AEBP2: variants seen among roughly 807,000 people sequenced by gnomAD.
AEBP2 encodes AE binding protein 2.
Under a neutral mutation model 50.8 loss-of-function variants are expected in AEBP2, and 10 were observed. The ratio of observed to expected loss-of-function variants is 0.20; its 90% CI spans 0.12 to 0.33. The LOEUF is 0.33. Ranked by LOEUF, AEBP2 falls within the 10% of genes least tolerant of loss-of-function variation. AEBP2 has a pLI of 1.00. For synonymous variants in AEBP2, 296 were observed against 261.3 expected (o/e 1.13, Z -1.28); for missense variants, 570 against 688.0 (o/e 0.83, Z 1.92).
At chr12:19,410,111 C>T (rs1031820451) in intron 1 of AEBP2, among the ~76,000 whole-genome samples, 7 of 151,868 alleles carry the variant, frequency 4.6e-5, no homozygotes, top group African/African-American at 1.7e-4. Flanking sequence ...GAAATTAGAC[C>T]CTCTCTCACT....
At chr12:19,455,909 A>T (rs1357858874) in intron 1 of AEBP2, among the ~76,000 whole-genome samples, 4 of 151,636 alleles carry the variant, frequency 2.6e-5, no homozygotes, top group African/African-American at 9.7e-5. Flanking sequence ...TGGTCTCATC[A>T]GTTTCAGTTG....
intron 1 of AEBP2, among the ~76,000 whole-genome samples, chr12:19,429,461 A>G (rs1047616218): frequency 6.6e-6 from 1 of 152,198 alleles, no homozygotes; most frequent in Non-Finnish European, 1.5e-5. Flanking sequence ...TCTTTATAGC[A>G]GCATGATTTA....
At chr12:19,451,249 G>A (rs1948162149) in intron 1 of AEBP2, among the ~76,000 whole-genome samples, 1 of 152,114 alleles carries the variant, frequency 6.6e-6, no homozygotes. Context: ...GCTCTACTTG[G>A]TATCAGCTCG....
intron 2 of AEBP2, among the ~76,000 whole-genome samples, chr12:19,463,455 AATTT>A (rs1422441948): frequency 6.6e-6 from 1 of 152,170 alleles, no homozygotes; most frequent in Non-Finnish European, 1.5e-5. Flanking sequence ...AAGGGCAGGT[AATTT>A]ATTAATATTA....
chr12:19,433,147 C>T (rs751914829), intron 1 of AEBP2, among the ~76,000 whole-genome samples: 3 of 152,122 alleles, frequency 2.0e-5, no homozygotes, highest in African/African-American at 7.2e-5. Context: ...GCACTTTGGG[C>T]GGCCAAGGCA....
At chr12:19,477,217 G>T (rs1478948175) in intron 3 of AEBP2, among the ~76,000 whole-genome samples, 1 of 151,982 alleles carries the variant, frequency 6.6e-6, no homozygotes, top group Non-Finnish European at 1.5e-5. Context: ...GAGTCTTTAG[G>T]GTTTCCTAGG....
intron 1 of AEBP2, among the ~76,000 whole-genome samples, chr12:19,457,965 C>T (rs1207112788): frequency 6.6e-6 from 1 of 152,130 alleles, no homozygotes; most frequent in African/African-American, 2.4e-5. Flanking sequence ...GGTATTCTTC[C>T]AAATATCAGG....
chr12:19,427,193 A>G (rs1214651789), intron 1 of AEBP2, among the ~76,000 whole-genome samples: 2 of 152,036 alleles, frequency 1.3e-5, no homozygotes, highest in African/African-American at 2.4e-5. Context: ...CCTTGCCAAC[A>G]TGGTGAAACC....
At chr12:19,477,479 G>T (rs748589457) in intron 3 of AEBP2, among the ~76,000 whole-genome samples, 27 of 152,092 alleles carry the variant, frequency 1.8e-4, no homozygotes, top group Non-Finnish European at 3.7e-4. Context: ...TGCCAGTTTT[G>T]TTGAGGGTTT....
Position 19,509,977 on chromosome 12 carries a change from C to T in AEBP2, c.1300-2421C>T, listed in dbSNP as rs73339371. The stretch of plus-strand genomic sequence containing the variant: ...CCTCCTGAGTAGCTGGGATTACTGA[C>T]GTGCACCATCACACCTGGCTAATTT... On this transcript the variant is annotated intron_variant, in intron 5 of 7. Coordinates refer to ENST00000266508, the MANE Select transcript of AEBP2 (RefSeq NM_153207.5). 3.1e-3 allele frequency among the ~76,000 whole-genome samples: 468 copies of T among 151,832 alleles called. 3 individuals are homozygous for T. The highest frequency in any genetic ancestry group is 0.011 in the African/African-American group (448 of 41,374).
chr12:19,420,261 T>G (rs2095744929), intron 1 of AEBP2, among the ~76,000 whole-genome samples: 1 of 150,550 alleles, frequency 6.6e-6, no homozygotes, highest in Admixed American at 6.7e-5. Context: ...ACTCCTGACC[T>G]CAGGTGATCC....
chr12:19,480,149 C>T (rs1319395508), intron 3 of AEBP2, among the ~76,000 whole-genome samples: 1 of 152,102 alleles, frequency 6.6e-6, no homozygotes, highest in Non-Finnish European at 1.5e-5. Flanking sequence ...GTTGCCCAGG[C>T]TGGAGTGCAG....
At chr12:19,473,924 T>C (rs190570523) in intron 3 of AEBP2, among the ~76,000 whole-genome samples, 82 of 152,246 alleles carry the variant, frequency 5.4e-4, no homozygotes, top group African/African-American at 1.9e-3. Context: ...AAATAGCTAG[T>C]GGGTAGACTA....
chr12:19,457,630 G>C, intron 1 of AEBP2: 4 of 1,434,222 alleles, frequency 2.8e-6, no homozygotes, highest in Non-Finnish European at 3.7e-6. Flanking sequence ...ATGTGGATAT[G>C]AGTCTTTTCC....
chr12:19,416,484 C>A (rs1483141920), intron 1 of AEBP2, among the ~76,000 whole-genome samples: 1 of 152,044 alleles, frequency 6.6e-6, no homozygotes, highest in East Asian at 1.9e-4. Context: ...TGGCTCACTG[C>A]AACCTCCGTC....
intron 3 of AEBP2, among the ~76,000 whole-genome samples, chr12:19,480,490 G>T (rs1206597429): frequency 6.6e-6 from 1 of 152,192 alleles, no homozygotes; most frequent in Non-Finnish European, 1.5e-5. Flanking sequence ...TGGCTTGGTA[G>T]TGACAAATTC....
chr12:19,449,971 G>A (rs867782861), intron 1 of AEBP2, among the ~76,000 whole-genome samples: 1 of 152,212 alleles, frequency 6.6e-6, no homozygotes. Context: ...CACCTTAGAT[G>A]AATAAGAAGG....
At chr12:19,415,037 G>A (rs1302378075) in intron 1 of AEBP2, among the ~76,000 whole-genome samples, 1 of 151,736 alleles carries the variant, frequency 6.6e-6, no homozygotes, top group Non-Finnish European at 1.5e-5. Flanking sequence ...ATGGATATGG[G>A]CCAGGTGTGG....
chr12:19,432,157 T>G (rs1327863347), intron 1 of AEBP2, among the ~76,000 whole-genome samples: 1 of 152,152 alleles, frequency 6.6e-6, no homozygotes, highest in African/African-American at 2.4e-5. Context: ...AAGAAAGACT[T>G]AGTCATTGAA....
Sources: allele counts gnomAD v4.1 joint callset (sites outside exome capture counted in the v4.1 genomes callset), GRCh38; gene constraint gnomAD v4.1.1; transcripts MANE v1.5; gene names NCBI Gene and HGNC (gene_info 2026-07-23, HGNC 2026-07-21).